KDM1A: variants seen among roughly 807,000 people sequenced by gnomAD.
The protein encoded by KDM1A is lysine-specific histone demethylase 1A.
Under a neutral mutation model 109.4 loss-of-function variants are expected in KDM1A, and 49 were observed. The observed-to-expected ratio is 0.45, with a 90% confidence interval of 0.36 to 0.57. The LOEUF (loss-of-function observed/expected upper bound fraction) is 0.57. Among genes scored for constraint, KDM1A ranks in the 20% least tolerant of loss-of-function variants. The pLI is 0.00. For missense variants in KDM1A, 668 were observed against 1,116.6 expected, an observed-to-expected ratio of 0.60 and a Z score of 5.73; for synonymous variants, 380 against 415.4, an observed-to-expected ratio of 0.91 and a Z score of 1.04.
intron 1 of KDM1A, among the ~76,000 whole-genome samples, chr1:23,023,523 G>A (rs1177800906): frequency 1.3e-5 from 2 of 152,064 alleles, no homozygotes; most frequent in Non-Finnish European, 2.9e-5. Context: ...TTTATTTCTG[G>A]ACTCTCAACT....
At chr1:23,054,772 A>G (rs952816405) in intron 5 of KDM1A, among the ~76,000 whole-genome samples, 6 of 152,096 alleles carry the variant, frequency 3.9e-5, no homozygotes, top group Non-Finnish European at 8.8e-5. Context: ...GACTATGGGC[A>G]TGCACCATCA....
intron 15 of KDM1A, among the ~76,000 whole-genome samples, chr1:23,074,132 G>C (rs1643397857): frequency 6.6e-6 from 1 of 152,154 alleles, no homozygotes; most frequent in African/African-American, 2.4e-5. Flanking sequence ...GGTAATGCCA[G>C]TTTTTAAAAT....
At chr1:23,062,589 A>G (rs1245387777) in intron 9 of KDM1A, among the ~76,000 whole-genome samples, 1 of 152,218 alleles carries the variant, frequency 6.6e-6, no homozygotes, top group Non-Finnish European at 1.5e-5. Flanking sequence ...GTAGGAAAAG[A>G]AATCATGTAG....
At chr1:23,080,193 C>T (rs1643577285) in intron 18 of KDM1A, among the ~76,000 whole-genome samples, 1 of 152,136 alleles carries the variant, frequency 6.6e-6, no homozygotes, top group African/African-American at 2.4e-5. Flanking sequence ...CATCAGCTAA[C>T]CGTTGGCTTG....
intron 3 of KDM1A, among the ~76,000 whole-genome samples, chr1:23,049,380 A>G (rs1396232456): frequency 6.6e-6 from 1 of 152,122 alleles, no homozygotes; most frequent in Non-Finnish European, 1.5e-5. Context: ...TTATCCACCA[A>G]TTTATAAAAC....
chr1:23,038,706 C>T (rs1642222503), intron 2 of KDM1A, among the ~76,000 whole-genome samples: 1 of 152,170 alleles, frequency 6.6e-6, no homozygotes, highest in South Asian at 2.1e-4. Flanking sequence ...CTTGCTACTA[C>T]CCAGTGGAAG....
chr1:23,038,961 GTC>G (rs1642229063), intron 2 of KDM1A, among the ~76,000 whole-genome samples: 1 of 152,122 alleles, frequency 6.6e-6, no homozygotes, highest in Non-Finnish European at 1.5e-5. Flanking sequence ...TCCTGACTTG[GTC>G]TCTCCCAAAG....
chr1:23,073,163 AT>A lies in KDM1A; in HGVS notation c.1623-126del, dbSNP rs200231477. 7.7e-4 allele frequency: 439 copies of A among 569,456 alleles called. 4 individuals carry two copies. The East Asian group carries it at 0.011, about 15-fold the overall frequency. The allele number at this position is 569,456 out of a possible 1,614,324, so 35.3% of individuals were successfully genotyped here. ...AAGACAGATAAGATGCTACTTTTTG[AT>A]TTGTAATTTCTTCATATAAGGCACA... is the stretch of plus-strand genomic sequence containing the variant. On this transcript the variant is annotated intron_variant, in intron 14 of 20. Coordinates refer to ENST00000400181, the MANE Select transcript of KDM1A (RefSeq NM_001009999.3).
At position 23,079,546 on chromosome 1, in the gene KDM1A, A is replaced by G. The variant is rs1643560728; in HGVS notation, c.2056-7A>G. On this transcript the variant is annotated splice_region_variant and splice_polypyrimidine_tract_variant and intron_variant, in intron 17 of 20. Coordinates refer to ENST00000400181, the MANE Select transcript of KDM1A (RefSeq NM_001009999.3). The surrounding 1 kb of genome is among the most constrained non-coding windows in gnomAD (Gnocchi z 5.6). The stretch of plus-strand genomic sequence containing the variant: ...TCACTGGCTCATGTGCTTCTTTCTT[A>G]TGGTAGGTGGTGTTGTGTTTTGATC... 3 of 1,608,882 alleles carry G rather than the reference A, an allele frequency of 1.9e-6. No individual in the cohort carries two copies. Among genetic ancestry groups the G allele is most frequent in the Non-Finnish European group, 2.5e-6 (3 of 1,177,090 alleles).
Position 23,083,581 on chromosome 1 carries a change from T to TAA in KDM1A, c.*219_*220dup. 1 of 421,644 alleles carries TAA rather than the reference T, an allele frequency of 2.4e-6. No individual in the cohort carries two copies. Among genetic ancestry groups the TAA allele is most frequent in the Non-Finnish European group, 4.2e-6 (1 of 235,916 alleles). The allele number at this position is 421,644 out of a possible 1,614,324, so 26.1% of individuals were successfully genotyped here. On this transcript the variant is annotated 3_prime_UTR_variant, in exon 21 of 21. Transcript: ENST00000400181. ...CATTAGTTTGGAATTGTGTTCTTCG[T>TAA]AAAGACTGAGGCAAGCAAGTGCTGT... is the stretch of plus-strand genomic sequence containing the variant.
At chr1:23,047,084 G>T (rs1642522217) in intron 3 of KDM1A, among the ~76,000 whole-genome samples, 1 of 152,144 alleles carries the variant, frequency 6.6e-6, no homozygotes, top group African/African-American at 2.4e-5. Context: ...AAAGAGATAG[G>T]TACTCATGAG....
intron 9 of KDM1A, among the ~76,000 whole-genome samples, chr1:23,063,801 T>A (rs149420296): frequency 1.4e-4 from 22 of 152,304 alleles, no homozygotes; most frequent in African/African-American, 5.1e-4. Flanking sequence ...GCCTTTTCCA[T>A]ACACTCTAAT....
At chr1:23,031,271 A>G (rs1025052251) in intron 2 of KDM1A, among the ~76,000 whole-genome samples, 4 of 152,234 alleles carry the variant, frequency 2.6e-5, no homozygotes, top group African/African-American at 9.6e-5. Context: ...CCAATCAGGG[A>G]TATCTGCCTT....
Position 23,079,810 on chromosome 1 carries a change from G to A in KDM1A, c.2170+143G>A, listed in dbSNP as rs1353248013. ...ATTCCTGAAATACCTTCTAGGTACT[G>A]GGGTATAAAAATACCTGCCTTCAAG... On this transcript the variant is annotated intron_variant, in intron 18 of 20. Transcript: ENST00000400181. This position sits in a 1 kb window ranked among gnomAD's most constrained non-coding sequence, Gnocchi z 5.6. 3.9e-6 allele frequency: 2 copies of A among 517,194 alleles called. No individual in the cohort carries two copies. The highest frequency in any genetic ancestry group is 4.0e-5 in the African/African-American group (2 of 50,552). The allele number at this position is 517,194 out of a possible 1,614,324, so 32.0% of individuals were successfully genotyped here.
At chr1:23,069,001 C>A in intron 11 of KDM1A, 60 bp from the exon 12 acceptor site, 1 of 1,134,228 alleles carries the variant, frequency 8.8e-7, no homozygotes, top group South Asian at 1.5e-5. Flanking sequence ...TTTTGATGGG[C>A]ACCTGTCTTA....
chr1:23,053,866 T>A (rs372395246), intron 5 of KDM1A, 27 bp downstream of exon 5: 91 of 1,225,480 alleles, frequency 7.4e-5, no homozygotes, highest in Non-Finnish European at 1.1e-4. Context: ...ATAGGACTAA[T>A]TTGTACTGGA....
intron 1 of KDM1A, among the ~76,000 whole-genome samples, chr1:23,027,426 T>TC (rs1384904381): frequency 6.7e-6 from 1 of 148,620 alleles, no homozygotes; most frequent in African/African-American, 2.5e-5. Context: ...TTTTTTTTTT[T>TC]TTTTTGAGAC....
At chr1:23,082,093 C>A in intron 19 of KDM1A, 127 bp from the exon 20 acceptor site, 1 of 936,148 alleles carries the variant, frequency 1.1e-6, no homozygotes, top group African/African-American at 1.6e-5. Context: ...CACTTGATCA[C>A]TGGCTCTCAC....
intron 2 of KDM1A, among the ~76,000 whole-genome samples, chr1:23,035,131 C>T (rs1462644423): frequency 6.6e-6 from 1 of 151,770 alleles, no homozygotes; most frequent in Non-Finnish European, 1.5e-5. Context: ...CAGAGGAAGC[C>T]CTCTTCTCTA....
Sources: gnomAD v4.1 joint callset for allele counts (sites outside exome capture counted in the v4.1 genomes callset) on GRCh38, gnomAD v4.1.1 for gene constraint, Gnocchi (gnomAD v3.1) non-coding constraint, MANE v1.5 for transcripts, NCBI Gene and HGNC (gene_info 2026-07-23, HGNC 2026-07-21) for gene names.